The following FUT8 variants were observed in gnomAD, a reference collection of about 807,000 sequenced individuals.
FUT8 encodes the protein alpha-(1,6)-fucosyltransferase.
In FUT8, 29 loss-of-function variants were observed where a neutral mutation model predicts 71.3. That is an observed-to-expected ratio of 0.41 (90% confidence interval 0.30 to 0.55). FUT8 has a LOEUF of 0.55. FUT8 is among the 20% of genes least tolerant of loss of function. The pLI is 0.34. For synonymous variants in FUT8, 254 were observed against 239.3 expected, an observed-to-expected ratio of 1.06 and a Z score of -0.57; for missense variants, 544 against 702.1, an observed-to-expected ratio of 0.77 and a Z score of 2.55.
At chr14:65,621,412 G>C (rs1566857984) in intron 5 of FUT8, among the ~76,000 whole-genome samples, 1 of 151,844 alleles carries the variant, frequency 6.6e-6, no homozygotes, top group Non-Finnish European at 1.5e-5. Context: ...ACCATGCCCA[G>C]CTGATTTTTG....
chr14:65,578,192 A>G (rs535045488), intron 3 of FUT8, among the ~76,000 whole-genome samples: 2 of 152,246 alleles, frequency 1.3e-5, no homozygotes, highest in South Asian at 2.1e-4. Flanking sequence ...AACATTCTTT[A>G]TATTTTATTC....
At chr14:65,527,657 G>T (rs899114502) in intron 2 of FUT8, among the ~76,000 whole-genome samples, 2 of 152,092 alleles carry the variant, frequency 1.3e-5, no homozygotes, top group African/African-American at 2.4e-5. Flanking sequence ...TTTCTGCTCT[G>T]TTTTTTCCCC....
intron 6 of FUT8, among the ~76,000 whole-genome samples, chr14:65,656,312 C>T (rs1457674281): frequency 1.3e-5 from 2 of 150,688 alleles, no homozygotes; most frequent in African/African-American, 4.9e-5. Flanking sequence ...AGTCAACACA[C>T]AAATATCAGT....
intron 2 of FUT8, among the ~76,000 whole-genome samples, chr14:65,528,507 G>C (rs905816827): frequency 6.6e-6 from 1 of 152,184 alleles, no homozygotes; most frequent in Non-Finnish European, 1.5e-5. Flanking sequence ...CAGGTGAAGC[G>C]ATGCCTCACC....
chr14:65,569,540 T>A (rs1322174176), intron 3 of FUT8, among the ~76,000 whole-genome samples: 1 of 151,872 alleles, frequency 6.6e-6, no homozygotes, highest in Non-Finnish European at 1.5e-5. Context: ...GATTCTAGAA[T>A]ACTCACTTGA....
At chr14:65,442,159 C>T (rs2065668479) in intron 1 of FUT8, among the ~76,000 whole-genome samples, 1 of 151,230 alleles carries the variant, frequency 6.6e-6, no homozygotes. Flanking sequence ...CAGAGCAAAA[C>T]AGAAACAGCT....
intron 2 of FUT8, among the ~76,000 whole-genome samples, chr14:65,491,777 C>A (rs1024600737): frequency 6.6e-6 from 1 of 151,964 alleles, no homozygotes; most frequent in African/African-American, 2.4e-5. Flanking sequence ...AACTTTGAGA[C>A]TTTAGTAAGA....
In FUT8 at chr14:65,465,572, T is replaced by C. The variant is rs140799387; in HGVS notation, c.-228+9854T>C. Among the ~76,000 whole-genome samples the C allele has an allele frequency of 2.9e-3, 435 of 152,386 alleles. 3 individuals are homozygous for C. The highest frequency in any genetic ancestry group is 1.0e-2 in the African/African-American group (414 of 41,598). ...CTACGAGTTATTTGTAAGTGAGCTG[T>C]TTAAACATCTCCAAATATTTTGAGA... is the stretch of plus-strand genomic sequence containing the variant. On this transcript the variant is annotated intron_variant, in intron 2 of 10. Transcript: ENST00000673929.
At chr14:65,651,633 T>A (rs949700052) in intron 6 of FUT8, among the ~76,000 whole-genome samples, 1 of 151,932 alleles carries the variant, frequency 6.6e-6, no homozygotes, top group African/African-American at 2.4e-5. Flanking sequence ...ATAAATATAC[T>A]CCAATTACAA....
intron 7 of FUT8, among the ~76,000 whole-genome samples, chr14:65,714,306 G>C (rs1052159437): frequency 4.6e-5 from 7 of 152,054 alleles, no homozygotes; most frequent in African/African-American, 1.7e-4. Context: ...TGCTGTTTTG[G>C]TTACTGTAGC....
chr14:65,692,333 ACGGGGCGGC>A (rs1893667244), intron 7 of FUT8, among the ~76,000 whole-genome samples: 1 of 144,676 alleles, frequency 6.9e-6, no homozygotes, highest in African/African-American at 2.6e-5. Flanking sequence ...CACCTCCCAG[ACGGGGCGGC>A]TGGCCGGGCG....
intron 3 of FUT8, among the ~76,000 whole-genome samples, chr14:65,594,149 G>A (rs1184654406): frequency 6.6e-6 from 1 of 152,190 alleles, no homozygotes; most frequent in Non-Finnish European, 1.5e-5. Flanking sequence ...TGACAGGGGT[G>A]CCTCGTTTAC....
rs538899187 is a variant in FUT8, at chr14:65,483,721, AT to A, written c.-228+28015del. Among the ~76,000 whole-genome samples the A allele has an allele frequency of 8.8e-4, 129 of 146,792 alleles. No individual in the cohort carries two copies. Among genetic ancestry groups the A allele is most frequent in the Admixed American group, 1.4e-3 (21 of 14,740 alleles). ...TTATAAATATTTAAATAACATATCA[AT>A]TTTTTTTTTTTGAGACAGAGTTATT... is the stretch of plus-strand genomic sequence containing the variant. On this transcript the variant is annotated intron_variant, in intron 2 of 10. Transcript: ENST00000673929. This position sits in a 1 kb window ranked among gnomAD's most constrained non-coding sequence, Gnocchi z 4.4.
intron 7 of FUT8, among the ~76,000 whole-genome samples, chr14:65,703,865 C>T (rs1193756236): frequency 6.6e-6 from 1 of 152,176 alleles, no homozygotes; most frequent in African/African-American, 2.4e-5. Flanking sequence ...TTTAGCTATG[C>T]AATACTAAAT....
At chr14:65,471,911 T>G (rs918733405) in intron 2 of FUT8, among the ~76,000 whole-genome samples, 1 of 152,192 alleles carries the variant, frequency 6.6e-6, no homozygotes, top group Admixed American at 6.5e-5. Context: ...TATTGTTCAT[T>G]AAGAATTTTA....
chr14:65,407,928 A>T (rs2065093814), upstream of FUT8, among the ~76,000 whole-genome samples: 1 of 151,670 alleles, frequency 6.6e-6, no homozygotes, highest in Admixed American at 6.6e-5. Flanking sequence ...GAAAGAGAGA[A>T]CTCCTTCCCC....
the FUT8 span, among the ~76,000 whole-genome samples, chr14:65,399,479 T>C: frequency 2.0e-5 from 3 of 152,202 alleles, no homozygotes; most frequent in Non-Finnish European, 4.4e-5. Flanking sequence ...TAGACTTTCA[T>C]GAAAATCCAG....
At position 65,736,339 on chromosome 14, in the gene FUT8, C is replaced by T. The variant is rs572267529; in HGVS notation, c.1410+2958C>T. Reference sequence around the variant, plus strand: ...ACTCTATAGTATTTATTTTGCAGCTCTTTTTCACATGGCTTCATTTCAGAC... The same window carrying T: ...ACTCTATAGTATTTATTTTGCAGCTTTTTTTCACATGGCTTCATTTCAGAC... On this transcript the variant is annotated intron_variant, in intron 10 of 10. Transcript: ENST00000673929. Among the ~76,000 whole-genome samples the T allele has an allele frequency of 3.3e-5, 5 of 151,598 alleles. No individual in the cohort carries two copies. In the South Asian group the frequency reaches 1.1e-3, roughly 32 times the overall value.
At chr14:65,439,112 C>G (rs1454015352) in intron 1 of FUT8, among the ~76,000 whole-genome samples, 2 of 152,178 alleles carry the variant, frequency 1.3e-5, no homozygotes, top group Non-Finnish European at 2.9e-5. Flanking sequence ...CCCCTTTTTA[C>G]TTGCCTCTTT....
Sources: gnomAD v4.1 joint callset for allele counts (sites outside exome capture counted in the v4.1 genomes callset) on GRCh38, gnomAD v4.1.1 for gene constraint, Gnocchi (gnomAD v3.1) non-coding constraint, MANE v1.5 for transcripts, NCBI Gene and HGNC (gene_info 2026-07-23, HGNC 2026-07-21) for gene names.